Variants in VAC14 observed in about 807,000 individuals in gnomAD.
VAC14 encodes the protein protein VAC14 homolog.
VAC14 carries 47 observed loss-of-function variants against 85.3 expected under a neutral mutation model. The observed-to-expected ratio is 0.55, with a 90% CI of 0.44 to 0.70. The LOEUF (loss-of-function observed/expected upper bound fraction) is 0.70, where lower values mean the gene tolerates loss of function less well. Ranked by LOEUF, VAC14 falls within the 30% of genes least tolerant of loss-of-function variation. VAC14 has a pLI of 0.00. For synonymous variants in VAC14, 447 were observed against 430.5 expected (o/e 1.04, Z -0.47); for missense variants, 861 against 1,004.3 (o/e 0.86, Z 1.93).
In VAC14 at chr16:70,692,975, G is replaced by A. The variant is rs780808935; in HGVS notation, c.2036-4C>T. The stretch of plus-strand genomic sequence containing the variant: ...TCCAGCAGCTGCAGGCGCAGATCTG[G>A]GGTAGGCAGAGGGCAGGGGTCAGGG... On this transcript the variant is annotated splice_polypyrimidine_tract_variant and splice_region_variant and intron_variant, in intron 17 of 18. Transcript: ENST00000261776. 2 of 1,609,824 alleles carry A rather than the reference G, an allele frequency of 1.2e-6. No homozygotes were observed. The highest frequency in any genetic ancestry group is 2.2e-5 in the South Asian group (2 of 90,038).
At chr16:70,719,932 C>T (rs188207960) in intron 14 of VAC14, among the ~76,000 whole-genome samples, 66 of 152,198 alleles carry the variant, frequency 4.3e-4, no homozygotes, top group African/African-American at 1.3e-3. Flanking sequence ...AGTGTCAAAC[C>T]GAAAATAACC....
In VAC14 at chr16:70,744,648, C is replaced by T. The variant is rs958350206; in HGVS notation, c.1372-69G>A. The T allele has an allele frequency of 2.1e-5, 32 of 1,491,942 alleles. 1 individual carries two copies. The African/African-American group carries it at 3.8e-4, about 18-fold the overall frequency. The allele number at this position is 1,491,942 out of a possible 1,614,324, so 92.4% of individuals were successfully genotyped here. On this transcript the variant is annotated intron_variant, in intron 12 of 18. Transcript: ENST00000261776. Reference sequence around the variant, plus strand: ...AGCTGTGCTGACCTGGGCAGAGGTGCGGTTGGTGGCACACAGCCACCTGCA... The same window carrying T: ...AGCTGTGCTGACCTGGGCAGAGGTGTGGTTGGTGGCACACAGCCACCTGCA...
At chr16:70,784,365 G>A in intron 4 of VAC14, 145 bp from the exon 5 acceptor site, 1 of 650,930 alleles carries the variant, frequency 1.5e-6, no homozygotes, top group South Asian at 1.9e-5. Flanking sequence ...AGAGGTCTCT[G>A]GAGTATTCAT....
intron 12 of VAC14, among the ~76,000 whole-genome samples, chr16:70,757,192 G>C (rs1335566457): frequency 6.6e-6 from 1 of 152,220 alleles, no homozygotes; most frequent in Non-Finnish European, 1.5e-5. Context: ...CAACTGCAAA[G>C]AAAACAGTTC....
chr16:70,797,281 A>G (rs2034586634), intron 1 of VAC14, among the ~76,000 whole-genome samples: 2 of 152,168 alleles, frequency 1.3e-5, no homozygotes, highest in Non-Finnish European at 2.9e-5. Flanking sequence ...GTTTTCTTAC[A>G]TCACATCACT....
At chr16:70,697,309 C>G (rs779288522) in intron 15 of VAC14, 52 bp from the exon 16 acceptor site, 10 of 1,513,514 alleles carry the variant, frequency 6.6e-6, no homozygotes, top group Non-Finnish European at 9.1e-6. Flanking sequence ...CTTGCCCCTA[C>G]CCGGTCCACG....
At position 70,784,795 on chromosome 16, in the gene VAC14, AGCTCAGATCC is replaced by A; in HGVS notation, c.457_466del (p.Gly153SerfsTer2). 1.2e-6 allele frequency: 2 copies of A among 1,614,178 alleles called. No individual in the cohort carries two copies. Among genetic ancestry groups the A allele is most frequent in the Non-Finnish European group, 1.7e-6 (2 of 1,180,032 alleles). ...AAATACCTTTAAAAGGCGGTCTAGG[AGCTCAGATCC>A]GCTTTTCACATTGGGGTCTGGGTCG... On this transcript the variant is annotated frameshift_variant, in exon 4 of 19. Coordinates refer to ENST00000261776, the MANE Select transcript of VAC14 (RefSeq NM_018052.5). LOFTEE classifies it high-confidence loss of function.
rs181715860 is a variant in VAC14 at position 70,689,147 on chromosome 16, C to T, written c.2187-1057G>A. On this transcript the variant is annotated intron_variant, in intron 18 of 18. Transcript: ENST00000261776. The stretch of plus-strand genomic sequence containing the variant: ...CAACCATAACTCCACCGCTTCCTAG[C>T]GGTGTGACTTGAGCATGTGACTGTT... 4.8e-5 allele frequency: 47 copies of T among 977,244 alleles called. No homozygotes were observed. The East Asian group carries it at 3.0e-3, about 62-fold the overall frequency. 60.5% of individuals were successfully genotyped at this position (977,244 alleles called of 1,614,324 possible).
chr16:70,690,118 G>A (rs571525245), intron 18 of VAC14: 9 of 985,726 alleles, frequency 9.1e-6, no homozygotes, highest in Admixed American at 1.2e-4. Flanking sequence ...GGAAGATGGC[G>A]TCGGTGTGGC....
chr16:70,701,125 C>T (rs2142992649), intron 14 of VAC14, among the ~76,000 whole-genome samples: 1 of 152,282 alleles, frequency 6.6e-6, no homozygotes. Flanking sequence ...GTGATACCAC[C>T]CTCTCCTGGT....
chr16:70,741,882 C>A (rs2030349906), intron 13 of VAC14, among the ~76,000 whole-genome samples: 1 of 152,204 alleles, frequency 6.6e-6, no homozygotes, highest in Non-Finnish European at 1.5e-5. Flanking sequence ...TATAGTGCCC[C>A]TGGCCCTGCC....
chr16:70,744,150 T>A (rs1056894604), intron 13 of VAC14, among the ~76,000 whole-genome samples: 8 of 152,070 alleles, frequency 5.3e-5, no homozygotes, highest in African/African-American at 1.9e-4. Flanking sequence ...CCCAGATGGT[T>A]TTATGTTTAG....
intron 12 of VAC14, among the ~76,000 whole-genome samples, chr16:70,750,993 G>A (rs1235954341): frequency 6.6e-6 from 1 of 152,162 alleles, no homozygotes; most frequent in Non-Finnish European, 1.5e-5. Flanking sequence ...GTCCCAGGGC[G>A]AGGCACTCAG....
chr16:70,784,405 G>A (rs546501067), intron 4 of VAC14, among the ~76,000 whole-genome samples, 185 bp from the exon 5 acceptor site: 5 of 152,300 alleles, frequency 3.3e-5, no homozygotes, highest in Admixed American at 2.6e-4. Flanking sequence ...TACGAAAAAC[G>A]GGTAGATTGA....
At chr16:70,750,232 T>A (rs1176325554) in intron 12 of VAC14, among the ~76,000 whole-genome samples, 2 of 152,180 alleles carry the variant, frequency 1.3e-5, no homozygotes, top group East Asian at 1.9e-4. Context: ...GCTGGGCCTG[T>A]AGTCCTGGCT....
intron 1 of VAC14, among the ~76,000 whole-genome samples, chr16:70,799,938 T>C (rs1486496087): frequency 2.0e-5 from 3 of 152,238 alleles, no homozygotes; most frequent in Non-Finnish European, 2.9e-5. Context: ...AAATTTATAA[T>C]AGCTACGCAC....
chr16:70,731,603 G>T lies in VAC14; in HGVS notation c.1553C>A (p.Pro518His), dbSNP rs374403720. ...GTAAGAATTCATGGTGGGAGTTGAA[G>T]GAGAACATTCTAAGCCTTTGGTACC... ...TSGTKGLECS[P>H]STPTMNSYFY... Residue 518 changes from proline to histidine, a missense_variant, in exon 14 of 19, where the codon CCT (proline) becomes CAT (histidine). By Grantham distance (77) the Pro-to-His change is moderately conservative. Transcript: ENST00000261776. 7.4e-6 allele frequency: 12 copies of T among 1,614,102 alleles called. No individual in the cohort carries two copies. Among genetic ancestry groups the T allele is most frequent in the Non-Finnish European group, 1.0e-5 (12 of 1,180,030 alleles).
chr16:70,740,165 T>C (rs868643391), intron 13 of VAC14, among the ~76,000 whole-genome samples: 2 of 152,296 alleles, frequency 1.3e-5, no homozygotes, highest in Middle Eastern at 6.8e-3. Context: ...TTCACCATGC[T>C]GGCCAGGCTG....
At chr16:70,706,952 A>G (rs567102073) in intron 14 of VAC14, among the ~76,000 whole-genome samples, 7 of 152,238 alleles carry the variant, frequency 4.6e-5, no homozygotes, top group Admixed American at 2.6e-4. Flanking sequence ...CAAACTACAG[A>G]GAAGGCCTGG....
Sources: allele counts gnomAD v4.1 joint callset (sites outside exome capture counted in the v4.1 genomes callset), GRCh38; gene constraint gnomAD v4.1.1; transcripts MANE v1.5; gene names NCBI Gene and HGNC (gene_info 2026-07-23, HGNC 2026-07-21).